The following PTPRN2 variants were observed in gnomAD, a reference collection of about 807,000 sequenced individuals.
PTPRN2 encodes receptor-type tyrosine-protein phosphatase N2.
Under a neutral mutation model 118.8 loss-of-function variants are expected in PTPRN2, and 74 were observed. That is an observed-to-expected ratio of 0.62 (90% CI 0.52 to 0.76). The LOEUF (loss-of-function observed/expected upper bound fraction) is 0.76. PTPRN2 is among the 30% of genes least tolerant of loss of function. The pLI is 0.00. For missense variants in PTPRN2, 1,481 were observed against 1,394.4 expected (o/e 1.06, Z -0.99); for synonymous variants, 641 against 608.0 (o/e 1.05, Z -0.80).
Position 157,984,255 on chromosome 7 carries a change from ACGCCAGGC to A in PTPRN2, c.1724-85526_1724-85519del, listed in dbSNP as rs1803550986. On this transcript the variant is annotated intron_variant, in intron 11 of 22. Transcript: ENST00000389418. ...GCCCCACGCCAGGCTCCACCTCCCCACGCCAGGCTCCACCCCCCACGCCAGGCTCCACC... is the reference window on the plus strand; with the variant it reads ...GCCCCACGCCAGGCTCCACCTCCCCATCCACCCCCCACGCCAGGCTCCACC... 1.1e-3 allele frequency among the ~76,000 whole-genome samples: 35 copies of A among 31,320 alleles called. 1 individual carries two copies. Among genetic ancestry groups the A allele is most frequent in the Admixed American group, 1.4e-3 (4 of 2,848 alleles). 20.5% of individuals were successfully genotyped at this position (31,320 alleles called of 152,430 possible).
In PTPRN2 at chr7:158,475,453, C is replaced by T. The variant is rs142736712; in HGVS notation, c.163+14282G>A. 5.0e-3 allele frequency among the ~76,000 whole-genome samples: 755 copies of T among 152,244 alleles called. 4 individuals carry two copies. The highest frequency in any genetic ancestry group is 8.8e-3 in the Non-Finnish European group (597 of 68,014). ...GATGCTGGAGAAAGGTGACCTTGTGCACGCTTCGCCCCTGCTTAACAAGCC... is the reference window on the plus strand; with the variant it reads ...GATGCTGGAGAAAGGTGACCTTGTGTACGCTTCGCCCCTGCTTAACAAGCC... On this transcript the variant is annotated intron_variant, in intron 2 of 22. Transcript: ENST00000389418.
chr7:157,588,185 G>A lies in PTPRN2; in HGVS notation c.2496+7053C>T, dbSNP rs564791496. Among the ~76,000 whole-genome samples, 345 of 152,370 alleles carry A rather than the reference G, an allele frequency of 2.3e-3. 1 individual carries two copies. Among genetic ancestry groups the A allele is most frequent in the African/African-American group, 7.9e-3 (329 of 41,586 alleles). ...GTTGTGTATCTCCTGGGCACAGCCA[G>A]TGTTTGGTGGTGACACACAGAAGCT... is the stretch of plus-strand genomic sequence containing the variant. On this transcript the variant is annotated intron_variant, in intron 17 of 22. Coordinates refer to ENST00000389418, the MANE Select transcript of PTPRN2 (RefSeq NM_002847.5).
intron 14 of PTPRN2, among the ~76,000 whole-genome samples, chr7:157,643,346 A>G (rs1369988457): frequency 6.6e-6 from 1 of 152,256 alleles, no homozygotes; most frequent in Non-Finnish European, 1.5e-5. Flanking sequence ...TTTAAGCAGC[A>G]AATCAGATTT....
chr7:157,855,965 G>C lies in PTPRN2; in HGVS notation c.1788+42708C>G, dbSNP rs1244040055. 3.3e-5 allele frequency: 5 copies of C among 152,216 alleles called. No homozygotes were observed. The South Asian group carries it at 1.0e-3, about 31-fold the overall frequency. The allele number at this position is 152,216 out of a possible 1,614,324, so 9.4% of individuals were successfully genotyped here. On this transcript the variant is annotated intron_variant, in intron 12 of 22. Transcript: ENST00000389418. The stretch of plus-strand genomic sequence containing the variant: ...TGGCCGGAAGTGCAGGGTTATCTCA[G>C]TACTTGATTTAAGGCTCCTGCAGCT...
At position 158,134,274 on chromosome 7, in the gene PTPRN2, G is replaced by A. The variant is rs185591123; in HGVS notation, c.1174-215C>T. ...GGCGCTGAGTATCCGAATCACTTAC[G>A]TGCTGTTTTCTCCTCCCTCCCGCTC... is the stretch of plus-strand genomic sequence containing the variant. On this transcript the variant is annotated intron_variant, in intron 8 of 22. Coordinates refer to ENST00000389418, the MANE Select transcript of PTPRN2 (RefSeq NM_002847.5). Among the ~76,000 whole-genome samples, 210 of 152,140 alleles carry A rather than the reference G, an allele frequency of 1.4e-3. 1 individual carries two copies. The highest frequency in any genetic ancestry group is 4.4e-3 in the African/African-American group (181 of 41,490).
At chr7:158,362,864 C>A (rs943326533) in intron 2 of PTPRN2, among the ~76,000 whole-genome samples, 2 of 152,156 alleles carry the variant, frequency 1.3e-5, no homozygotes, top group Non-Finnish European at 2.9e-5. Context: ...CCCAAAGCCC[C>A]AGATGGGACT....
chr7:157,841,460 C>T lies in PTPRN2; in HGVS notation c.1788+57213G>A, dbSNP rs73746649. 5.1e-3 allele frequency among the ~76,000 whole-genome samples: 772 copies of T among 152,348 alleles called. 6 individuals are homozygous for T. The highest frequency in any genetic ancestry group is 0.017 in the African/African-American group (697 of 41,580). On this transcript the variant is annotated intron_variant, in intron 12 of 22. Coordinates refer to ENST00000389418, the MANE Select transcript of PTPRN2 (RefSeq NM_002847.5). Reference sequence around the variant, plus strand: ...TGAAACTTGAGTGAAGGATCCTCCCCTTCCCACCCCACCCGCAGGTGATGA... The same window carrying T: ...TGAAACTTGAGTGAAGGATCCTCCCTTTCCCACCCCACCCGCAGGTGATGA...
chr7:157,738,281 T>C (rs1219519384), intron 12 of PTPRN2, among the ~76,000 whole-genome samples: 2 of 151,878 alleles, frequency 1.3e-5, no homozygotes, highest in East Asian at 3.9e-4. Flanking sequence ...ATTCGACATC[T>C]CTCCCACCAC....
intron 6 of PTPRN2, among the ~76,000 whole-genome samples, chr7:158,145,718 G>A (rs1819893066): frequency 6.6e-6 from 1 of 152,220 alleles, no homozygotes; most frequent in Admixed American, 6.5e-5. Flanking sequence ...TCTAGAATCT[G>A]TAGGGTGTTA....
At chr7:158,174,814 A>G (rs960220272) in intron 5 of PTPRN2, among the ~76,000 whole-genome samples, 8 of 152,192 alleles carry the variant, frequency 5.3e-5, no homozygotes, top group African/African-American at 1.9e-4. Context: ...GATGCAGTTC[A>G]CAGAGCCACG....
intron 5 of PTPRN2, among the ~76,000 whole-genome samples, chr7:158,184,158 AT>A (rs1212248739): frequency 3.3e-5 from 5 of 151,862 alleles, no homozygotes; most frequent in Non-Finnish European, 2.9e-5. Flanking sequence ...CTAGTTATCA[AT>A]TTTTTTTAAG....
chr7:158,271,284 A>G (rs1015842179), intron 3 of PTPRN2, among the ~76,000 whole-genome samples: 1 of 152,226 alleles, frequency 6.6e-6, no homozygotes. Flanking sequence ...CTTGGATTAA[A>G]TGCTTTTGAT....
intron 3 of PTPRN2, among the ~76,000 whole-genome samples, chr7:158,253,738 G>A (rs1023672073): frequency 4.6e-5 from 7 of 152,224 alleles, no homozygotes; most frequent in African/African-American, 1.7e-4. Flanking sequence ...GGTGAGGAAG[G>A]AAATTGAGAA....
rs1824731337 is a variant in PTPRN2, at chr7:158,525,785, C to T, written c.113-36000G>A. ...TGGTCTCTCTCCACGGCACCTGCTC[C>T]ACAGCCACCTCTCTCTGCTGTGCTC... On this transcript the variant is annotated intron_variant, in intron 1 of 22. Transcript: ENST00000389418. This position sits in a 1 kb window ranked among gnomAD's most constrained non-coding sequence, Gnocchi z 4.1. 6.6e-6 allele frequency among the ~76,000 whole-genome samples: 1 copy of T among 152,196 alleles called. No homozygotes were observed. The highest frequency in any genetic ancestry group is 1.9e-4 in the East Asian group (1 of 5,186).
chr7:157,681,220 G>A (rs994634383), intron 13 of PTPRN2, among the ~76,000 whole-genome samples: 1 of 152,108 alleles, frequency 6.6e-6, no homozygotes, highest in Non-Finnish European at 1.5e-5. Context: ...ATCTCTGCCT[G>A]TATGATCTTC....
At chr7:157,613,787 G>A (rs1460327632) in intron 15 of PTPRN2, among the ~76,000 whole-genome samples, 1 of 152,194 alleles carries the variant, frequency 6.6e-6, no homozygotes, top group African/African-American at 2.4e-5. Flanking sequence ...TTGTCGCGTA[G>A]TCCTCGAGTC....
intron 3 of PTPRN2, among the ~76,000 whole-genome samples, chr7:158,225,989 G>A (rs1828742186): frequency 1.3e-5 from 2 of 152,064 alleles, no homozygotes; most frequent in South Asian, 4.2e-4. Flanking sequence ...GCACAGTGGG[G>A]AGCAGTAAAA....
intron 21 of PTPRN2, among the ~76,000 whole-genome samples, chr7:157,567,398 G>A (rs1029160884): frequency 6.6e-6 from 1 of 152,242 alleles, no homozygotes; most frequent in Non-Finnish European, 1.5e-5. Context: ...AAGGATGCTG[G>A]CGGTGTTGGG....
rs1477317327 is a variant in PTPRN2, at chr7:158,340,823, AC to A, written c.164-23892del. 1.0e-3 allele frequency among the ~76,000 whole-genome samples: 94 copies of A among 91,262 alleles called. 11 individuals are homozygous for A. The highest frequency in any genetic ancestry group is 3.5e-3 in the African/African-American group (86 of 24,332). 59.9% of individuals were successfully genotyped at this position (91,262 alleles called of 152,430 possible). On this transcript the variant is annotated intron_variant, in intron 2 of 22. Coordinates refer to ENST00000389418, the MANE Select transcript of PTPRN2 (RefSeq NM_002847.5). ...TCACTCACACCCACACATGTCACTC[AC>A]ACCCACACTCTCACCATAAGAGCTG...
Sources: allele counts gnomAD v4.1 joint callset (sites outside exome capture counted in the v4.1 genomes callset), GRCh38; gene constraint gnomAD v4.1.1; non-coding constraint Gnocchi (gnomAD v3.1); transcripts MANE v1.5; gene names NCBI Gene and HGNC (gene_info 2026-07-23, HGNC 2026-07-21).